Variants in KICS2 observed in about 807,000 individuals in gnomAD.
KICS2 encodes the protein KICSTOR complex protein C12orf66.
In KICS2, 13 loss-of-function variants were observed where a neutral mutation model predicts 31.4. The ratio of observed to expected loss-of-function variants is 0.41; its 90% CI spans 0.27 to 0.66. KICS2 has a LOEUF of 0.66. Among genes scored for constraint, KICS2 ranks in the 30% least tolerant of loss-of-function variants. KICS2 has a pLI of 0.28. For missense variants in KICS2, 455 were observed against 545.4 expected (o/e 0.83, Z 1.65); for synonymous variants, 209 against 214.8 (o/e 0.97, Z 0.24).
intron 2 of KICS2, among the ~76,000 whole-genome samples, chr12:64,206,341 T>G (rs184013740): frequency 1.3e-5 from 2 of 152,224 alleles, no homozygotes; most frequent in Non-Finnish European, 2.9e-5. Flanking sequence ...TATTTTACCA[T>G]GACAAAACAA....
chr12:64,193,508 T>C lies in KICS2; in HGVS notation c.*334A>G. On this transcript the variant is annotated 3_prime_UTR_variant, in exon 3 of 3. Coordinates refer to ENST00000398055, the MANE Select transcript of KICS2 (RefSeq NM_152440.5). Reference sequence around the variant, plus strand: ...TGTTTGGAATTGCAGTAGAACACAATGTTTAGAACAACAGAAAAACATATG... The same window carrying C: ...TGTTTGGAATTGCAGTAGAACACAACGTTTAGAACAACAGAAAAACATATG... 9.5e-7 allele frequency: 1 copy of C among 1,048,254 alleles called. No homozygotes were observed. Among genetic ancestry groups the C allele is most frequent in the South Asian group, 4.0e-5 (1 of 25,100 alleles). The allele number at this position is 1,048,254 out of a possible 1,614,324, so 64.9% of individuals were successfully genotyped here. A position where few individuals can be genotyped will look rare whatever the true frequency, so the allele number is the denominator to read the frequency against.
chr12:64,209,648 G>C (rs920693694), intron 2 of KICS2, among the ~76,000 whole-genome samples: 1 of 152,146 alleles, frequency 6.6e-6, no homozygotes, highest in Non-Finnish European at 1.5e-5. Context: ...ATTCTACTGT[G>C]AACACAACTG....
chr12:64,187,665 TAG>T (rs776254980), downstream of KICS2: 236 of 1,534,354 alleles, frequency 1.5e-4, no homozygotes, highest in Non-Finnish European at 2.0e-4. Context: ...GGTAGAAAAG[TAG>T]AGAGGGAATT....
At chr12:64,205,915 C>T (rs748009815) in intron 2 of KICS2, among the ~76,000 whole-genome samples, 13 of 152,190 alleles carry the variant, frequency 8.5e-5, no homozygotes, top group Admixed American at 5.2e-4. Context: ...ATTTGCACCA[C>T]GGAGTTCTTT....
intron 1 of KICS2, among the ~76,000 whole-genome samples, chr12:64,219,850 T>A (rs2037663241): frequency 6.6e-6 from 1 of 152,230 alleles, no homozygotes; most frequent in South Asian, 2.1e-4. Context: ...AAACTTTTTG[T>A]TTTGCTTTCT....
At chr12:64,189,143 G>A (rs1036561390), downstream of KICS2, among the ~76,000 whole-genome samples, 1 of 152,038 alleles carries the variant, frequency 6.6e-6, no homozygotes, top group Admixed American at 6.6e-5. Flanking sequence ...ACAAGAGCGA[G>A]CAAAACTCCA....
At chr12:64,218,479 A>AGAATATAT (rs1344607754) in intron 1 of KICS2, among the ~76,000 whole-genome samples, 2 of 152,216 alleles carry the variant, frequency 1.3e-5, no homozygotes, top group Non-Finnish European at 2.9e-5. Flanking sequence ...CCTGGAACAA[A>AGAATATAT]GAATATATTC....
intron 1 of KICS2, 115 bp from the exon 2 acceptor site, chr12:64,216,078 C>A: frequency 1.2e-6 from 1 of 856,190 alleles, no homozygotes; most frequent in East Asian, 2.6e-5. Context: ...AGTAAGTTTT[C>A]ATCTACCATA....
intron 2 of KICS2, among the ~76,000 whole-genome samples, chr12:64,202,256 AT>A (rs1009966641): frequency 1.3e-5 from 2 of 152,110 alleles, no homozygotes; most frequent in African/African-American, 2.4e-5. Context: ...ACATTCAAAA[AT>A]TAGTCAAGTG....
chr12:64,193,829 C>A lies in KICS2; in HGVS notation c.*13G>T. The A allele has an allele frequency of 6.2e-7, 1 of 1,603,436 alleles. No homozygotes were observed. The highest frequency in any genetic ancestry group is 1.1e-5 in the South Asian group (1 of 88,984). Reference sequence around the variant, plus strand: ...AGTTTCTAGTCTTGAAACCCCTCCACGCAAATCACCTGCTAACCTTTGGCT... The same window carrying A: ...AGTTTCTAGTCTTGAAACCCCTCCAAGCAAATCACCTGCTAACCTTTGGCT... On this transcript the variant is annotated 3_prime_UTR_variant, in exon 3 of 3. Transcript: ENST00000398055.
At chr12:64,195,768 G>A (rs1375794042) in intron 2 of KICS2, among the ~76,000 whole-genome samples, 1 of 152,280 alleles carries the variant, frequency 6.6e-6, no homozygotes, top group African/African-American at 2.4e-5. Flanking sequence ...CCGAAGCAGG[G>A]CGAGGCATTG....
At position 64,193,532 on chromosome 12, in the gene KICS2, T is replaced by C. The variant is rs1298659349; in HGVS notation, c.*310A>G. ...ATGTTTAGAACAACAGAAAAACATATGGGAAAAAAAAAAGCCCAATAAATA... is the reference window on the plus strand; with the variant it reads ...ATGTTTAGAACAACAGAAAAACATACGGGAAAAAAAAAAGCCCAATAAATA... On this transcript the variant is annotated 3_prime_UTR_variant, in exon 3 of 3. Coordinates refer to ENST00000398055, the MANE Select transcript of KICS2 (RefSeq NM_152440.5). 5.5e-6 allele frequency: 6 copies of C among 1,095,832 alleles called. No individual in the cohort carries two copies. Among genetic ancestry groups the C allele is most frequent in the African/African-American group, 5.0e-5 (3 of 60,394 alleles). 67.9% of individuals were successfully genotyped at this position (1,095,832 alleles called of 1,614,324 possible). A position where few individuals can be genotyped will look rare whatever the true frequency, so the allele number is the denominator to read the frequency against.
intron 2 of KICS2, among the ~76,000 whole-genome samples, chr12:64,213,479 A>G (rs181533813): frequency 1.6e-3 from 244 of 152,288 alleles, no homozygotes; most frequent in African/African-American, 4.9e-3. Flanking sequence ...CCAGGTAACC[A>G]AGAAGAGGGT....
intron 2 of KICS2, among the ~76,000 whole-genome samples, chr12:64,209,282 T>A (rs755896080): frequency 1.3e-5 from 2 of 152,068 alleles, no homozygotes; most frequent in Non-Finnish European, 2.9e-5. Context: ...AACTTATATA[T>A]GCTTAATAAT....
intron 2 of KICS2, among the ~76,000 whole-genome samples, chr12:64,201,628 A>AG (rs1473818364): frequency 2.1e-5 from 3 of 146,008 alleles, no homozygotes; most frequent in Admixed American, 1.4e-4. Flanking sequence ...AGAAAAAAAA[A>AG]AAAAACAAAA....
chr12:64,215,674 T>A lies in KICS2; in HGVS notation c.521+4A>T, dbSNP rs766213655. The A allele has an allele frequency of 1.2e-6, 2 of 1,610,262 alleles. No individual in the cohort carries two copies. The highest frequency in any genetic ancestry group is 4.5e-5 in the East Asian group (2 of 44,842). On this transcript the variant is annotated splice_donor_region_variant and intron_variant, in intron 2 of 2. Transcript: ENST00000398055. ...CTTTCTCCCTCCCTCCTCCCCACAC[T>A]GACCTGGAGCTGTATTTTTTCATGA... is the stretch of plus-strand genomic sequence containing the variant.
intron 2 of KICS2, 129 bp from the exon 3 acceptor site, chr12:64,194,787 G>T (rs1293262151): frequency 2.6e-5 from 30 of 1,163,596 alleles, no homozygotes; most frequent in African/African-American, 3.1e-5. Flanking sequence ...AAGAAAAGAT[G>T]GAGGAACTAC....
intron 2 of KICS2, among the ~76,000 whole-genome samples, chr12:64,208,301 G>A (rs1039998683): frequency 4.6e-5 from 7 of 152,182 alleles, no homozygotes; most frequent in Non-Finnish European, 8.8e-5. Context: ...TAGACACTGC[G>A]CCTGGCCCTT....
rs894287182 is a variant in KICS2 at position 64,192,647 on chromosome 12, T to C, written c.*1195A>G. On this transcript the variant is annotated 3_prime_UTR_variant, in exon 3 of 3. Coordinates refer to ENST00000398055, the MANE Select transcript of KICS2 (RefSeq NM_152440.5). ...AACCAGTAACAACTCAATTACTCTT[T>C]GTGGCTTCTTTTTATTTTGAATCAA... 1 of 985,340 alleles carries C rather than the reference T, an allele frequency of 1.0e-6. No individual in the cohort carries two copies. Among genetic ancestry groups the C allele is most frequent in the African/African-American group, 1.7e-5 (1 of 57,240 alleles). The allele number at this position is 985,340 out of a possible 1,614,324, so 61.0% of individuals were successfully genotyped here. A position where few individuals can be genotyped will look rare whatever the true frequency, so the allele number is the denominator to read the frequency against.
Sources: allele counts gnomAD v4.1 joint callset (sites outside exome capture counted in the v4.1 genomes callset), GRCh38; gene constraint gnomAD v4.1.1; transcripts MANE v1.5; gene names NCBI Gene and HGNC (gene_info 2026-07-23, HGNC 2026-07-21).